Variants in MAF observed in about 807,000 individuals in gnomAD.
The protein encoded by MAF is transcription factor Maf.
In MAF, 10 loss-of-function variants were observed where a neutral mutation model predicts 22.0. The observed-to-expected ratio is 0.45, with a 90% CI of 0.28 to 0.77. The LOEUF (loss-of-function observed/expected upper bound fraction) is 0.77, where lower values mean the gene tolerates loss of function less well. Ranked by LOEUF, MAF falls within the 30% of genes least tolerant of loss-of-function variation. The pLI, the probability that MAF is intolerant of heterozygous loss-of-function variation, is 0.12. For synonymous variants in MAF, 337 were observed against 255.8 expected (o/e 1.32, Z -3.03); for missense variants, 544 against 548.4 (o/e 0.99, Z 0.08).
chr16:79,480,985 C>T, the MAF span, among the ~76,000 whole-genome samples: 4 of 152,160 alleles, frequency 2.6e-5, no homozygotes, highest in Admixed American at 1.3e-4. Flanking sequence ...CCCAACTCCA[C>T]GTCCCCTCGC....
the MAF span, among the ~76,000 whole-genome samples, chr16:79,437,076 C>T: frequency 6.6e-6 from 1 of 152,116 alleles, no homozygotes; most frequent in Non-Finnish European, 1.5e-5. Flanking sequence ...TGTTAATAAC[C>T]TCGGCATCTG....
At chr16:79,231,928 C>T in the MAF span, among the ~76,000 whole-genome samples, 1 of 151,972 alleles carries the variant, frequency 6.6e-6, no homozygotes, top group East Asian at 1.9e-4. Flanking sequence ...TGATGGGAAG[C>T]AGTGACAGAT....
At chr16:79,469,269 G>A in the MAF span, among the ~76,000 whole-genome samples, 1 of 152,146 alleles carries the variant, frequency 6.6e-6, no homozygotes, top group Non-Finnish European at 1.5e-5. Flanking sequence ...AGACAGTCTG[G>A]ACCACAAAGC....
chr16:79,540,649 T>C, the MAF span, among the ~76,000 whole-genome samples: 24 of 152,312 alleles, frequency 1.6e-4, no homozygotes, highest in Non-Finnish European at 3.1e-4. Flanking sequence ...TCCCGGTGCA[T>C]GCCGGGGAGA....
chr16:79,258,824 G>T, the MAF span, among the ~76,000 whole-genome samples: 10 of 152,162 alleles, frequency 6.6e-5, no homozygotes, highest in African/African-American at 1.4e-4. Flanking sequence ...CACCCCCAAG[G>T]TCTCTCTGCA....
At chr16:79,568,261 T>C in the MAF span, among the ~76,000 whole-genome samples, 1 of 152,180 alleles carries the variant, frequency 6.6e-6, no homozygotes, top group African/African-American at 2.4e-5. Context: ...TGGGTGTCTG[T>C]GGATGGCCCC....
At chr16:79,409,585 T>G in the MAF span, among the ~76,000 whole-genome samples, 2 of 152,166 alleles carry the variant, frequency 1.3e-5, no homozygotes, top group Non-Finnish European at 1.5e-5. Context: ...GGAGGAGTGA[T>G]TTGATTTACA....
At chr16:79,544,874 A>G in the MAF span, among the ~76,000 whole-genome samples, 1 of 152,268 alleles carries the variant, frequency 6.6e-6, no homozygotes, top group East Asian at 1.9e-4. Flanking sequence ...TGTTTGGTAA[A>G]ACTGAAATCA....
chr16:79,319,022 G>A, the MAF span, among the ~76,000 whole-genome samples: 2 of 152,062 alleles, frequency 1.3e-5, no homozygotes, highest in Admixed American at 6.5e-5. Flanking sequence ...ATTTCAGCAA[G>A]GAAAACCGGA....
At chr16:79,211,883 C>T in the MAF span, 15 of 1,583,224 alleles carry the variant, frequency 9.5e-6, no homozygotes, top group East Asian at 2.5e-4. Flanking sequence ...TCCAAATGTC[C>T]CTCCAACACA....
chr16:79,447,273 C>T, the MAF span, among the ~76,000 whole-genome samples: 3 of 148,432 alleles, frequency 2.0e-5, no homozygotes, highest in Admixed American at 6.8e-5. Flanking sequence ...GATGACAGCA[C>T]ATCTGATTAC....
At chr16:79,283,615 GT>G in the MAF span, among the ~76,000 whole-genome samples, 1 of 152,202 alleles carries the variant, frequency 6.6e-6, no homozygotes, top group African/African-American at 2.4e-5. Context: ...CTTTGAAGCT[GT>G]CATAAAAATC....
the MAF span, among the ~76,000 whole-genome samples, chr16:79,398,411 T>C: frequency 6.6e-6 from 1 of 152,214 alleles, no homozygotes; most frequent in African/African-American, 2.4e-5. Flanking sequence ...CATATTTGCA[T>C]ACTCCTCAGG....
chr16:79,295,172 A>G, the MAF span, among the ~76,000 whole-genome samples: 1 of 152,216 alleles, frequency 6.6e-6, no homozygotes, highest in Non-Finnish European at 1.5e-5. Flanking sequence ...GAGGTCCTCA[A>G]GAGCTTCAGC....
the MAF span, among the ~76,000 whole-genome samples, chr16:79,565,487 C>T: frequency 5.3e-5 from 8 of 149,794 alleles, no homozygotes; most frequent in South Asian, 1.5e-3. Context: ...ACTGTAGGTC[C>T]CACAATCTTC....
chr16:79,353,303 A>G, the MAF span, among the ~76,000 whole-genome samples: 1 of 152,040 alleles, frequency 6.6e-6, no homozygotes, highest in Non-Finnish European at 1.5e-5. Context: ...TAATTTTTGT[A>G]TTTTTAGTAG....
At chr16:79,517,094 G>T in the MAF span, among the ~76,000 whole-genome samples, 2 of 151,958 alleles carry the variant, frequency 1.3e-5, no homozygotes, top group Admixed American at 1.3e-4. Context: ...TAGCTATCTG[G>T]CATCAGCTGG....
chr16:79,379,505 A>G, the MAF span, among the ~76,000 whole-genome samples: 23 of 87,058 alleles, frequency 2.6e-4, no homozygotes, highest in Middle Eastern at 5.7e-3. Flanking sequence ...GGAAGTGCAC[A>G]CACACACACA....
chr16:79,530,340 G>C, the MAF span, among the ~76,000 whole-genome samples: 1 of 152,144 alleles, frequency 6.6e-6, no homozygotes, highest in Non-Finnish European at 1.5e-5. Context: ...GCATTCAGCT[G>C]TCCCAACACA....
Sources: allele counts gnomAD v4.1 joint callset (sites outside exome capture counted in the v4.1 genomes callset), GRCh38; gene constraint gnomAD v4.1.1; transcripts MANE v1.5; gene names NCBI Gene and HGNC (gene_info 2026-07-23, HGNC 2026-07-21).